The following XPR1 variants were observed in gnomAD, a reference collection of about 807,000 sequenced individuals.
The protein encoded by XPR1 is xenotropic and polytropic retrovirus receptor 1, also known as solute carrier family 53 member 1.
XPR1 carries 28 observed loss-of-function variants against 87.5 expected under a neutral mutation model. The observed-to-expected ratio is 0.32, with a 90% confidence interval of 0.24 to 0.44. The LOEUF is 0.44. Ranked by LOEUF, XPR1 falls within the 20% of genes least tolerant of loss-of-function variation. The probability of loss-of-function intolerance (pLI) is 1.00; values close to 1 mark genes in which losing one functional copy is unlikely to be tolerated. For synonymous variants in XPR1, 300 were observed against 306.1 expected (o/e 0.98, Z 0.21); for missense variants, 559 against 862.3 (o/e 0.65, Z 4.41).
At chr1:180,865,427 G>T (rs1652356678) in intron 12 of XPR1, among the ~76,000 whole-genome samples, 1 of 148,276 alleles carries the variant, frequency 6.7e-6, no homozygotes, top group Non-Finnish European at 1.5e-5. Flanking sequence ...TTGAGACAGA[G>T]TCTTGCTCTG....
At chr1:180,819,949 G>T (rs12097202) in intron 7 of XPR1, among the ~76,000 whole-genome samples, 3 of 151,974 alleles carry the variant, frequency 2.0e-5, no homozygotes, top group African/African-American at 4.8e-5. Context: ...GGACCCAGGA[G>T]GGGGAGGGTG....
chr1:180,645,379 C>T lies in XPR1; in HGVS notation c.69+13109C>T, dbSNP rs368799741. On this transcript the variant is annotated intron_variant, in intron 1 of 14. Coordinates refer to ENST00000367590, the MANE Select transcript of XPR1 (RefSeq NM_004736.4). ...CTAATGTTTGAAACATGTCAGAAAT[C>T]TCAGTGTTCACTTGTCGCTCCCATA... is the stretch of plus-strand genomic sequence containing the variant. 3.9e-4 allele frequency among the ~76,000 whole-genome samples: 60 copies of T among 152,342 alleles called. No individual in the cohort carries two copies. In the East Asian group the frequency reaches 7.3e-3, roughly 19 times the overall value.
At chr1:180,847,940 C>T (rs1017429664) in intron 11 of XPR1, among the ~76,000 whole-genome samples, 2 of 152,064 alleles carry the variant, frequency 1.3e-5, no homozygotes, top group East Asian at 1.9e-4. Context: ...CGTTTGGAAA[C>T]GTAGAAGGAA....
chr1:180,726,956 G>A (rs1237974404), intron 2 of XPR1, among the ~76,000 whole-genome samples: 4 of 151,384 alleles, frequency 2.6e-5, no homozygotes, highest in Non-Finnish European at 4.4e-5. Context: ...CTCACTGCAA[G>A]CTCCGCCTCC....
At chr1:180,725,267 G>T (rs189198422) in intron 2 of XPR1, among the ~76,000 whole-genome samples, 4 of 152,218 alleles carry the variant, frequency 2.6e-5, no homozygotes, top group African/African-American at 9.6e-5. Context: ...TATTTTTAAG[G>T]ACTCAAAAGT....
chr1:180,658,063 G>A (rs1308335522), intron 1 of XPR1, among the ~76,000 whole-genome samples: 1 of 152,056 alleles, frequency 6.6e-6, no homozygotes, highest in Admixed American at 6.6e-5. Flanking sequence ...AAATGGGATT[G>A]CTTTCTTGAT....
chr1:180,850,779 G>C (rs1187635148), intron 11 of XPR1, among the ~76,000 whole-genome samples: 1 of 152,038 alleles, frequency 6.6e-6, no homozygotes, highest in Non-Finnish European at 1.5e-5. Context: ...GCAACATAGT[G>C]AGACCTCATC....
At chr1:180,774,078 G>A (rs904024067) in intron 2 of XPR1, among the ~76,000 whole-genome samples, 6 of 151,810 alleles carry the variant, frequency 4.0e-5, no homozygotes, top group African/African-American at 1.5e-4. Flanking sequence ...TTTTCTTTTA[G>A]TCATTGGAAG....
intron 3 of XPR1, among the ~76,000 whole-genome samples, chr1:180,795,216 T>C (rs990017267): frequency 6.6e-6 from 1 of 152,192 alleles, no homozygotes; most frequent in African/African-American, 2.4e-5. Context: ...GCTTTGCCAT[T>C]CTGAAGATAG....
chr1:180,820,650 A>T (rs1650593953), intron 7 of XPR1, among the ~76,000 whole-genome samples: 1 of 152,216 alleles, frequency 6.6e-6, no homozygotes, highest in African/African-American at 2.4e-5. Context: ...TGTTTTTCAC[A>T]GAGGCTTTAC....
chr1:180,858,156 G>A (rs1038664612), intron 11 of XPR1, among the ~76,000 whole-genome samples: 2 of 152,204 alleles, frequency 1.3e-5, no homozygotes, highest in African/African-American at 2.4e-5. Flanking sequence ...TGGAGGTTGC[G>A]GTGAGCCTAG....
At chr1:180,795,121 G>A (rs186679695) in intron 3 of XPR1, among the ~76,000 whole-genome samples, 7 of 152,274 alleles carry the variant, frequency 4.6e-5, no homozygotes, top group African/African-American at 1.4e-4. Context: ...AATATTGTAA[G>A]ACAGGTAAAC....
At chr1:180,726,746 C>T (rs1658365291) in intron 2 of XPR1, among the ~76,000 whole-genome samples, 1 of 152,118 alleles carries the variant, frequency 6.6e-6, no homozygotes, top group Non-Finnish European at 1.5e-5. Flanking sequence ...AATAATGCCA[C>T]TCTTCTCACC....
intron 2 of XPR1, among the ~76,000 whole-genome samples, chr1:180,728,541 C>T (rs11810413): frequency 0.034 from 5,172 of 152,268 alleles, 132 homozygotes; most frequent in African/African-American, 0.07. Context: ...TTAACTAATT[C>T]TCAGGTGGTT....
chr1:180,776,915 CACCTGAT>C, intron 2 of XPR1, among the ~76,000 whole-genome samples: 1 of 152,244 alleles, frequency 6.6e-6, no homozygotes, highest in South Asian at 2.1e-4. Context: ...AGTTAAACCT[CACCTGAT>C]AAAACCTTAA....
intron 2 of XPR1, 93 bp downstream of exon 2, chr1:180,682,504 C>A: frequency 1.2e-6 from 1 of 848,978 alleles, no homozygotes; most frequent in Non-Finnish European, 1.7e-6. Context: ...ATATGATAAC[C>A]TGTCCTATTA....
intron 1 of XPR1, among the ~76,000 whole-genome samples, chr1:180,657,191 A>AT (rs955617351): frequency 4.6e-5 from 7 of 151,572 alleles, no homozygotes; most frequent in East Asian, 1.9e-4. Flanking sequence ...GGATTATTAG[A>AT]TTTTTTTTCC....
chr1:180,650,816 T>G (rs192175892), intron 1 of XPR1, among the ~76,000 whole-genome samples: 6 of 152,302 alleles, frequency 3.9e-5, no homozygotes, highest in African/African-American at 9.6e-5. Flanking sequence ...TGAGTCTTAG[T>G]TTTCTTGTAT....
intron 2 of XPR1, among the ~76,000 whole-genome samples, chr1:180,712,669 G>A (rs1435992614): frequency 1.3e-5 from 2 of 152,096 alleles, no homozygotes; most frequent in African/African-American, 4.8e-5. Context: ...AGCTGGGTGT[G>A]GTGGCGTGCA....
Sources: gnomAD v4.1 joint callset for allele counts (sites outside exome capture counted in the v4.1 genomes callset) on GRCh38, gnomAD v4.1.1 for gene constraint, MANE v1.5 for transcripts, NCBI Gene and HGNC (gene_info 2026-07-23, HGNC 2026-07-21) for gene names.